The following COL24A1 variants were observed in gnomAD, a reference collection of about 807,000 sequenced individuals.
COL24A1 encodes collagen type XXIV alpha 1 chain.
COL24A1 carries 224 observed loss-of-function variants against 253.9 expected under a neutral mutation model. That is an observed-to-expected ratio of 0.88 (90% CI 0.79 to 0.99). COL24A1 has a LOEUF of 0.99. Ranked by LOEUF, COL24A1 falls within the 50% of genes least tolerant of loss-of-function variation. The pLI is 0.00. For synonymous variants in COL24A1, 685 were observed against 673.7 expected (o/e 1.02, Z -0.26); for missense variants, 2,131 against 2,068.5 (o/e 1.03, Z -0.59).
chr1:86,071,602 TATATC>T, intron 7 of COL24A1, among the ~76,000 whole-genome samples: 1 of 152,208 alleles, frequency 6.6e-6, no homozygotes, highest in Middle Eastern at 3.4e-3. Flanking sequence ...TAGCTATACT[TATATC>T]AGACAAAACA....
intron 37 of COL24A1, among the ~76,000 whole-genome samples, chr1:85,865,191 T>C (rs1679649406): frequency 6.6e-6 from 1 of 152,072 alleles, no homozygotes. Flanking sequence ...TTTCTCTCAC[T>C]CTCTTTCTTA....
intron 24 of COL24A1, among the ~76,000 whole-genome samples, chr1:85,947,697 C>T (rs552365583): frequency 1.1e-4 from 16 of 152,218 alleles, no homozygotes; most frequent in South Asian, 2.1e-4. Context: ...TATCACATTA[C>T]GAAGACTTTA....
At chr1:86,142,793 C>T (rs1651347091) in intron 2 of COL24A1, among the ~76,000 whole-genome samples, 1 of 151,902 alleles carries the variant, frequency 6.6e-6, no homozygotes, top group African/African-American at 2.4e-5. Flanking sequence ...AGGATGCTTC[C>T]ACACTGAAAA....
intron 1 of COL24A1, among the ~76,000 whole-genome samples, chr1:86,150,665 AG>A (rs1436727711): frequency 2.0e-5 from 3 of 152,166 alleles, no homozygotes; most frequent in African/African-American, 7.2e-5. Context: ...TTTGATAAAG[AG>A]CCAAACCATT....
chr1:85,802,282 T>C (rs1198260916), intron 47 of COL24A1, among the ~76,000 whole-genome samples: 2 of 152,200 alleles, frequency 1.3e-5, no homozygotes, highest in African/African-American at 2.4e-5. Flanking sequence ...ATAGCCTCCA[T>C]GATGTGGTCA....
chr1:86,111,574 G>A (rs1205165534), intron 5 of COL24A1, among the ~76,000 whole-genome samples: 1 of 140,494 alleles, frequency 7.1e-6, no homozygotes, highest in Non-Finnish European at 1.6e-5. Context: ...GGATGTGGGT[G>A]AAGTCAGAAA....
intron 53 of COL24A1, 57 bp downstream of exon 53, chr1:85,775,617 A>C: frequency 2.1e-6 from 3 of 1,407,236 alleles, no homozygotes; most frequent in Non-Finnish European, 3.0e-6. Flanking sequence ...CCTTGCTTTC[A>C]TGGAGCTTAT....
rs1215768832 is a variant in COL24A1, at chr1:85,737,559, A to C, written c.4673-54T>G. ...AAAGTTATTAAATGCCATAATCCTT[A>C]TAATTTCTTTTTTTTTTTTGAGAGA... On this transcript the variant is annotated intron_variant, in intron 57 of 59. Transcript: ENST00000370571. The C allele has an allele frequency of 9.8e-6, 12 of 1,228,572 alleles. No homozygotes were observed. The African/African-American group carries it at 1.9e-4, about 19-fold the overall frequency. 76.1% of individuals were successfully genotyped at this position (1,228,572 alleles called of 1,614,324 possible). A position where few individuals can be genotyped will look rare whatever the true frequency, so the allele number is the denominator to read the frequency against.
chr1:86,021,133 A>G (rs1697497666), intron 18 of COL24A1, among the ~76,000 whole-genome samples: 1 of 152,184 alleles, frequency 6.6e-6, no homozygotes. Context: ...TAATCCTGAG[A>G]TGGAAGGGTA....
At chr1:86,039,378 G>C (rs1699282969) in intron 12 of COL24A1, among the ~76,000 whole-genome samples, 1 of 152,116 alleles carries the variant, frequency 6.6e-6, no homozygotes, top group Non-Finnish European at 1.5e-5. Flanking sequence ...TGCTTAGCAT[G>C]TCCAGTAAAA....
chr1:85,901,557 C>T lies in COL24A1; in HGVS notation c.2779-5148G>A, dbSNP rs372389281. On this transcript the variant is annotated intron_variant, in intron 28 of 59. Coordinates refer to ENST00000370571, the MANE Select transcript of COL24A1 (RefSeq NM_152890.7). ...GGGTGTGGTGGCTCATGCCTGTAAT[C>T]CCAGCACTTTGGGAGGCCAAGGCGG... is the stretch of plus-strand genomic sequence containing the variant. 1.3e-4 allele frequency among the ~76,000 whole-genome samples: 20 copies of T among 151,996 alleles called. No homozygotes were observed. In the East Asian group the frequency reaches 1.4e-3, roughly 10 times the overall value.
chr1:85,983,839 C>T (rs1693472083), intron 20 of COL24A1, among the ~76,000 whole-genome samples: 1 of 151,818 alleles, frequency 6.6e-6, no homozygotes, highest in African/African-American at 2.4e-5. Flanking sequence ...TCTCAATCTA[C>T]AGAACAGAAA....
At chr1:86,133,029 T>A (rs1441366163) in intron 2 of COL24A1, among the ~76,000 whole-genome samples, 2 of 151,994 alleles carry the variant, frequency 1.3e-5, no homozygotes, top group Non-Finnish European at 2.9e-5. Flanking sequence ...TTTTGTATCC[T>A]CTTATTTCAG....
At chr1:85,732,645 G>T (rs963841217) in intron 59 of COL24A1, among the ~76,000 whole-genome samples, 7 of 150,914 alleles carry the variant, frequency 4.6e-5, no homozygotes. Flanking sequence ...TTTTACTTAT[G>T]CTAATTTTAC....
chr1:85,762,566 A>G (rs1666947942), intron 53 of COL24A1, among the ~76,000 whole-genome samples: 1 of 152,216 alleles, frequency 6.6e-6, no homozygotes, highest in Non-Finnish European at 1.5e-5. Flanking sequence ...AGTTAATACT[A>G]GTTAATTTTA....
chr1:85,960,534 A>G (rs150014158), intron 24 of COL24A1, among the ~76,000 whole-genome samples: 1,909 of 152,244 alleles, frequency 0.013, 52 homozygotes, highest in African/African-American at 0.043. Flanking sequence ...TTTCAAACCT[A>G]AAGAAAAACT....
chr1:85,995,961 A>G (rs895363245), intron 19 of COL24A1, among the ~76,000 whole-genome samples: 1 of 152,176 alleles, frequency 6.6e-6, no homozygotes, highest in Non-Finnish European at 1.5e-5. Context: ...GAGCCAATTA[A>G]ACCTCTTTTC....
intron 18 of COL24A1, among the ~76,000 whole-genome samples, chr1:86,021,378 C>A (rs1021109609): frequency 6.6e-6 from 1 of 152,038 alleles, no homozygotes. Context: ...AAATATTAAA[C>A]CCTAAAACAG....
rs60994639 is a variant in COL24A1, at chr1:85,885,397, A to ATATTTTTTTT, written c.2976+4162_2976+4163insAAAAAAAATA. 6.1e-3 allele frequency among the ~76,000 whole-genome samples: 785 copies of ATATTTTTTTT among 128,798 alleles called. 12 individuals are homozygous for ATATTTTTTTT. The highest frequency in any genetic ancestry group is 0.021 in the African/African-American group (721 of 34,240). 84.5% of individuals were successfully genotyped at this position (128,798 alleles called of 152,430 possible). A position where few individuals can be genotyped will look rare whatever the true frequency, so the allele number is the denominator to read the frequency against. On this transcript the variant is annotated intron_variant, in intron 32 of 59. Coordinates refer to ENST00000370571, the MANE Select transcript of COL24A1 (RefSeq NM_152890.7). ...TGTGTGTATATATATATATATATATATTTTTTTTTTAAGTAGAAACTAAAT... is the reference window on the plus strand; with the variant it reads ...TGTGTGTATATATATATATATATATATATTTTTTTTTTTTTTTTTTAAGTAGAAACTAAAT...
Sources: allele counts gnomAD v4.1 joint callset (sites outside exome capture counted in the v4.1 genomes callset), GRCh38; gene constraint gnomAD v4.1.1; transcripts MANE v1.5; gene names NCBI Gene and HGNC (gene_info 2026-07-23, HGNC 2026-07-21).